Variants in DNAH14 observed in about 807,000 individuals in gnomAD.
DNAH14 encodes the protein axonemal beta dynein heavy chain 14.
DNAH14 carries 478 observed loss-of-function variants against 520.9 expected under a neutral mutation model. The ratio of observed to expected loss-of-function variants is 0.92; its 90% CI spans 0.85 to 0.99. DNAH14 has a LOEUF of 0.99. Among genes scored for constraint, DNAH14 ranks in the 50% least tolerant of loss-of-function variants. The probability of loss-of-function intolerance (pLI) is 0.00; values close to 1 mark genes in which losing one functional copy is unlikely to be tolerated. For missense variants in DNAH14, 4,831 were observed against 5,234.5 expected (o/e 0.92, Z 2.38); for synonymous variants, 1,581 against 1,757.2 (o/e 0.90, Z 2.51).
intron 77 of DNAH14, among the ~76,000 whole-genome samples, chr1:225,373,929 C>T (rs1439828733): frequency 1.3e-5 from 2 of 151,030 alleles, no homozygotes; most frequent in African/African-American, 4.9e-5. Flanking sequence ...AGTTCCAGAC[C>T]AGCCTGGGCA....
intron 78 of DNAH14, among the ~76,000 whole-genome samples, chr1:225,375,882 T>C (rs2095692184): frequency 6.6e-6 from 1 of 151,006 alleles, no homozygotes; most frequent in Non-Finnish European, 1.5e-5. Context: ...AAGCCAAGAG[T>C]TGGAGAGCAG....
At chr1:225,196,452 A>G (rs901175600) in intron 38 of DNAH14, among the ~76,000 whole-genome samples, 2 of 152,120 alleles carry the variant, frequency 1.3e-5, no homozygotes, top group African/African-American at 4.8e-5. Flanking sequence ...TGTTTTTGCA[A>G]TTGTGAATTG....
intron 21 of DNAH14, among the ~76,000 whole-genome samples, chr1:225,089,529 A>T (rs562884699): frequency 4.6e-4 from 70 of 151,818 alleles, no homozygotes; most frequent in African/African-American, 1.6e-3. Flanking sequence ...TATTTAAAAA[A>T]TTTTTAAAAA....
chr1:225,302,728 G>A (rs1299269292), intron 56 of DNAH14, among the ~76,000 whole-genome samples: 2 of 152,100 alleles, frequency 1.3e-5, no homozygotes, highest in African/African-American at 4.8e-5. Context: ...TTAGCTGTAG[G>A]AGTTTTATTA....
intron 71 of DNAH14, 122 bp from the exon 72 acceptor site, chr1:225,351,525 G>T: frequency 2.1e-6 from 1 of 480,406 alleles, no homozygotes. Context: ...TTATTTCTAT[G>T]AAGTAATTTT....
intron 36 of DNAH14, among the ~76,000 whole-genome samples, chr1:225,176,031 G>A (rs899835093): frequency 1.3e-5 from 2 of 152,108 alleles, no homozygotes; most frequent in African/African-American, 4.8e-5. Context: ...TCGGATTACA[G>A]GCATGAGCCA....
At chr1:224,982,583 G>A (rs115368268) in intron 8 of DNAH14, among the ~76,000 whole-genome samples, 3 of 151,504 alleles carry the variant, frequency 2.0e-5, no homozygotes, top group Non-Finnish European at 2.9e-5. Context: ...GTCATTTAGG[G>A]CTACAAACCT....
At chr1:225,086,124 T>C (rs1217169171) in intron 21 of DNAH14, among the ~76,000 whole-genome samples, 1 of 150,844 alleles carries the variant, frequency 6.6e-6, no homozygotes, top group Non-Finnish European at 1.5e-5. Flanking sequence ...CACCTAATAA[T>C]AATAATAATT....
intron 55 of DNAH14, among the ~76,000 whole-genome samples, chr1:225,290,473 G>A (rs1181125548): frequency 6.6e-6 from 1 of 151,194 alleles, no homozygotes; most frequent in Non-Finnish European, 1.5e-5. Context: ...AGTTAGATAT[G>A]TAATCTACAA....
At chr1:225,240,995 A>T (rs906462916) in intron 43 of DNAH14, among the ~76,000 whole-genome samples, 173 bp downstream of exon 43, 1 of 152,204 alleles carries the variant, frequency 6.6e-6, no homozygotes, top group Admixed American at 6.5e-5. Flanking sequence ...AGAAAATTAC[A>T]TTCCTGTTTG....
intron 4 of DNAH14, chr1:224,960,999 G>A (rs1434746821): frequency 1.3e-5 from 2 of 152,210 alleles, no homozygotes; most frequent in African/African-American, 4.8e-5. Context: ...AATGTGGAAA[G>A]GACCTGTGAC....
chr1:225,183,713 A>G (rs1481193323), intron 36 of DNAH14, among the ~76,000 whole-genome samples: 1 of 151,896 alleles, frequency 6.6e-6, no homozygotes, highest in East Asian at 1.9e-4. Context: ...GATCCAAGTA[A>G]GTACAATCAG....
intron 10 of DNAH14, among the ~76,000 whole-genome samples, chr1:225,010,606 T>C (rs2147894285): frequency 6.6e-6 from 1 of 152,320 alleles, no homozygotes; most frequent in South Asian, 2.1e-4. Flanking sequence ...GATGCTGGCC[T>C]CAGAAAATGA....
At chr1:225,235,473 A>G (rs1415363207) in intron 42 of DNAH14, among the ~76,000 whole-genome samples, 4 of 151,852 alleles carry the variant, frequency 2.6e-5, no homozygotes, top group Admixed American at 6.6e-5. Flanking sequence ...TTTTGCCCTG[A>G]TGTTCATTAG....
chr1:224,939,461 G>A (rs1180787076), intron 1 of DNAH14, among the ~76,000 whole-genome samples: 1 of 152,104 alleles, frequency 6.6e-6, no homozygotes, highest in African/African-American at 2.4e-5. Context: ...ACGAGGTCAG[G>A]AGATTGAGAC....
intron 35 of DNAH14, among the ~76,000 whole-genome samples, chr1:225,167,180 G>T (rs542177393): frequency 7.2e-5 from 11 of 152,238 alleles, no homozygotes; most frequent in African/African-American, 2.6e-4. Context: ...TGCCATAGAA[G>T]CTGCCTTTTT....
chr1:225,088,796 A>C (rs2074060192), intron 21 of DNAH14, among the ~76,000 whole-genome samples: 1 of 152,226 alleles, frequency 6.6e-6, no homozygotes, highest in Admixed American at 6.5e-5. Context: ...TAAAATGTAA[A>C]CTGGAATATT....
intron 27 of DNAH14, among the ~76,000 whole-genome samples, chr1:225,136,353 C>T (rs1202803026): frequency 2.0e-5 from 3 of 152,068 alleles, no homozygotes; most frequent in Non-Finnish European, 2.9e-5. Context: ...GACCTGGTGA[C>T]GATGAATTCC....
intron 10 of DNAH14, among the ~76,000 whole-genome samples, chr1:225,008,504 T>G (rs2064383839): frequency 6.6e-6 from 1 of 151,858 alleles, no homozygotes; most frequent in Admixed American, 6.6e-5. Context: ...TCCACAATGT[T>G]CAAACTAATT....
Sources: gnomAD v4.1 joint callset for allele counts (sites outside exome capture counted in the v4.1 genomes callset) on GRCh38, gnomAD v4.1.1 for gene constraint, MANE v1.5 for transcripts, NCBI Gene and HGNC (gene_info 2026-07-23, HGNC 2026-07-21) for gene names.